The following PPP2R2A variants were observed in gnomAD, a reference collection of about 807,000 sequenced individuals.
The protein encoded by PPP2R2A is serine/threonine-protein phosphatase 2A 55 kDa regulatory subunit B alpha isoform.
Under a neutral mutation model 53.2 loss-of-function variants are expected in PPP2R2A, and 9 were observed. The ratio of observed to expected loss-of-function variants is 0.17; its 90% CI spans 0.10 to 0.30. PPP2R2A has a LOEUF of 0.30. PPP2R2A is among the 10% of genes least tolerant of loss of function. The probability of loss-of-function intolerance (pLI) is 1.00; values close to 1 mark genes in which losing one functional copy is unlikely to be tolerated. For synonymous variants in PPP2R2A, 169 were observed against 174.2 expected, an observed-to-expected ratio of 0.97 and a Z score of 0.23; for missense variants, 235 against 534.6, an observed-to-expected ratio of 0.44 and a Z score of 5.53.
In PPP2R2A at chr8:26,370,458, A is replaced by G; in HGVS notation, c.*45A>G. 1 of 1,589,880 alleles carries G rather than the reference A, an allele frequency of 6.3e-7. No homozygotes were observed. Among genetic ancestry groups the G allele is most frequent in the Non-Finnish European group, 8.6e-7 (1 of 1,162,232 alleles). ...AGAACCCACTTCCTGCTTAGTTGAG[A>G]TAGTTGAATCTAGCATTCGTTCCTA... On this transcript the variant is annotated 3_prime_UTR_variant, in exon 10 of 10. Coordinates refer to ENST00000380737, the MANE Select transcript of PPP2R2A (RefSeq NM_002717.4). The surrounding 1 kb of genome is among the most constrained non-coding windows in gnomAD (Gnocchi z 6.1).
At chr8:26,357,791 T>C (rs965965123) in intron 4 of PPP2R2A, among the ~76,000 whole-genome samples, 2 of 152,064 alleles carry the variant, frequency 1.3e-5, no homozygotes, top group African/African-American at 4.8e-5. Context: ...CTTCTGCAGT[T>C]TCTCCAATGC....
intron 3 of PPP2R2A, among the ~76,000 whole-genome samples, chr8:26,344,231 T>C (rs1300917477): frequency 6.6e-5 from 10 of 152,236 alleles, no homozygotes; most frequent in Non-Finnish European, 1.2e-4. Flanking sequence ...AAGATGTATG[T>C]ATGTTTACTA....
At chr8:26,368,591 TAAG>T (rs1805503593) in intron 9 of PPP2R2A, among the ~76,000 whole-genome samples, 1 of 152,194 alleles carries the variant, frequency 6.6e-6, no homozygotes, top group South Asian at 2.1e-4. Context: ...GATGTTCTGT[TAAG>T]AAAATATTAC....
intron 4 of PPP2R2A, among the ~76,000 whole-genome samples, chr8:26,359,540 T>C (rs2117398923): frequency 6.6e-6 from 1 of 152,348 alleles, no homozygotes; most frequent in South Asian, 2.1e-4. Flanking sequence ...ATATCCTTGA[T>C]ACCTAGGAAT....
At chr8:26,366,465 A>T in intron 9 of PPP2R2A, 59 bp downstream of exon 9, 1 of 1,325,582 alleles carries the variant, frequency 7.5e-7, no homozygotes, top group Non-Finnish European at 1.0e-6. Flanking sequence ...CAACTATTTC[A>T]TTCCAGGTCC....
Position 26,360,194 on chromosome 8 carries a change from C to T in PPP2R2A, c.372C>T (p.Ile124=). ...TNDKTIKLWK[I]SERDKRPEGY... is the part of the protein sequence containing the mutation. ...ATAAAACAATAAAATTATGGAAAAT[C>T]AGTGAAAGGGACAAAAGACCAGAAG... Residue 124 remains isoleucine, a synonymous_variant, in exon 5 of 10, where the codon ATC becomes ATT. Coordinates refer to ENST00000380737, the MANE Select transcript of PPP2R2A (RefSeq NM_002717.4). This position sits in a 1 kb window ranked among gnomAD's most constrained non-coding sequence, Gnocchi z 4.5. 2 of 1,602,068 alleles carry T rather than the reference C, an allele frequency of 1.2e-6. No individual in the cohort carries two copies. The highest frequency in any genetic ancestry group is 1.7e-6 in the Non-Finnish European group (2 of 1,172,332).
intron 2 of PPP2R2A, among the ~76,000 whole-genome samples, chr8:26,318,979 C>G (rs571113522): frequency 6.6e-6 from 1 of 152,228 alleles, no homozygotes; most frequent in South Asian, 2.1e-4. Context: ...TTCATCTTCC[C>G]AAACTAAAAC....
intron 2 of PPP2R2A, among the ~76,000 whole-genome samples, chr8:26,305,160 G>C (rs556767454): frequency 6.6e-6 from 1 of 152,200 alleles, no homozygotes; most frequent in South Asian, 2.1e-4. Flanking sequence ...CCTCCAAGTG[G>C]AATCATACAG....
At chr8:26,333,565 G>C in intron 2 of PPP2R2A, 1 of 1,159,566 alleles carries the variant, frequency 8.6e-7, no homozygotes, top group Non-Finnish European at 1.1e-6. Context: ...CAACACAAGA[G>C]CTGAGGTATT....
At chr8:26,363,586 GTTTTTCAGTTCTT>G in intron 7 of PPP2R2A, 122 bp from the exon 8 acceptor site, 1 of 743,748 alleles carries the variant, frequency 1.3e-6, no homozygotes, top group Non-Finnish European at 2.0e-6. Context: ...CCAGAGAGAT[GTTTTTCAGTTCTT>G]TATTAGCCTG....
At chr8:26,348,406 C>T (rs1804329841) in intron 3 of PPP2R2A, among the ~76,000 whole-genome samples, 1 of 152,078 alleles carries the variant, frequency 6.6e-6, no homozygotes, top group South Asian at 2.1e-4. Flanking sequence ...GGAAAATTCC[C>T]CTGGCCTCAT....
At chr8:26,299,707 C>T (rs1246643036) in intron 2 of PPP2R2A, among the ~76,000 whole-genome samples, 6 of 150,904 alleles carry the variant, frequency 4.0e-5, no homozygotes, top group Non-Finnish European at 8.8e-5. Flanking sequence ...AATCATTTCT[C>T]TTCTGCATCT....
chr8:26,304,713 A>G (rs1475767038), intron 2 of PPP2R2A, among the ~76,000 whole-genome samples: 4 of 152,198 alleles, frequency 2.6e-5, no homozygotes, highest in African/African-American at 9.7e-5. Flanking sequence ...AATTCAAGAG[A>G]AACAGGCTAT....
At chr8:26,310,058 G>A (rs9918820) in intron 2 of PPP2R2A, among the ~76,000 whole-genome samples, 4,360 of 150,268 alleles carry the variant, frequency 0.029, 102 homozygotes, top group African/African-American at 0.06. Flanking sequence ...TGAGGCGGGC[G>A]GATCACGAGG....
At chr8:26,317,769 TTC>T (rs951909725) in intron 2 of PPP2R2A, among the ~76,000 whole-genome samples, 16 of 152,220 alleles carry the variant, frequency 1.1e-4, no homozygotes, top group Non-Finnish European at 1.8e-4. Flanking sequence ...ATTAGCTTGT[TTC>T]TCTCTCACGT....
At chr8:26,300,593 C>T (rs1022279634) in intron 2 of PPP2R2A, among the ~76,000 whole-genome samples, 5 of 152,132 alleles carry the variant, frequency 3.3e-5, no homozygotes, top group Non-Finnish European at 7.4e-5. Flanking sequence ...CGGTGGCTCA[C>T]GCCTGTAATC....
intron 2 of PPP2R2A, among the ~76,000 whole-genome samples, chr8:26,294,272 T>C (rs1252155255): frequency 6.6e-6 from 1 of 152,210 alleles, no homozygotes; most frequent in African/African-American, 2.4e-5. Context: ...TTGTTGTCTT[T>C]CTGGTATTTA....
At chr8:26,292,165 C>G (rs1258039757) in intron 1 of PPP2R2A, 1 of 1,186,418 alleles carries the variant, frequency 8.4e-7, no homozygotes, top group Non-Finnish European at 1.0e-6. Flanking sequence ...TCTCCCACCT[C>G]CCCACCTTGC....
chr8:26,293,617 G>A, intron 1 of PPP2R2A, 49 bp from the exon 2 acceptor site: 2 of 1,559,334 alleles, frequency 1.3e-6, no homozygotes, highest in Non-Finnish European at 1.8e-6. Flanking sequence ...GTTTACGAGA[G>A]TCAACATAAG....
Sources: allele counts gnomAD v4.1 joint callset (sites outside exome capture counted in the v4.1 genomes callset), GRCh38; gene constraint gnomAD v4.1.1; non-coding constraint Gnocchi (gnomAD v3.1); transcripts MANE v1.5; gene names NCBI Gene and HGNC (gene_info 2026-07-23, HGNC 2026-07-21).